The following ARHGAP42 variants were observed in gnomAD, a reference collection of about 807,000 sequenced individuals.
ARHGAP42 encodes Rho GTPase activating protein 42, also known as rho GTPase-activating protein 42.
A neutral mutation model predicts 125.0 loss-of-function variants in ARHGAP42; 63 were observed. That is an observed-to-expected ratio of 0.50 (90% CI 0.41 to 0.62). The LOEUF (loss-of-function observed/expected upper bound fraction) is 0.62, where lower values mean the gene tolerates loss of function less well. Among genes scored for constraint, ARHGAP42 ranks in the 20% least tolerant of loss-of-function variants. The pLI is 0.00. For synonymous variants in ARHGAP42, 339 were observed against 351.0 expected (o/e 0.97, Z 0.38); for missense variants, 766 against 1,024.2 (o/e 0.75, Z 3.44).
At chr11:100,781,357 A>G (rs1026319010) in intron 2 of ARHGAP42, among the ~76,000 whole-genome samples, 1 of 151,994 alleles carries the variant, frequency 6.6e-6, no homozygotes, top group Non-Finnish European at 1.5e-5. Context: ...CCCAAATCAC[A>G]ACTTTAGTAT....
At chr11:100,810,681 T>A (rs1213087051) in intron 3 of ARHGAP42, among the ~76,000 whole-genome samples, 1 of 152,190 alleles carries the variant, frequency 6.6e-6, no homozygotes, top group Non-Finnish European at 1.5e-5. Flanking sequence ...TCTATTCACT[T>A]TACATTTTAC....
intron 6 of ARHGAP42, among the ~76,000 whole-genome samples, chr11:100,922,356 T>C (rs1414535880): frequency 6.6e-6 from 1 of 152,206 alleles, no homozygotes; most frequent in African/African-American, 2.4e-5. Flanking sequence ...GGCTGGTCTT[T>C]ATAAGCTTAT....
intron 22 of ARHGAP42, among the ~76,000 whole-genome samples, chr11:100,985,704 C>T (rs1216774909): frequency 6.6e-6 from 1 of 152,158 alleles, no homozygotes; most frequent in African/African-American, 2.4e-5. Flanking sequence ...AAATCTGCCC[C>T]GCTAGCAAGC....
At chr11:100,847,615 G>C (rs1865101992) in intron 3 of ARHGAP42, among the ~76,000 whole-genome samples, 1 of 152,112 alleles carries the variant, frequency 6.6e-6, no homozygotes, top group Non-Finnish European at 1.5e-5. Context: ...GCTGAGAGCT[G>C]TGTAATTGCT....
At chr11:100,706,707 G>C (rs566377102) in intron 1 of ARHGAP42, among the ~76,000 whole-genome samples, 19 of 152,230 alleles carry the variant, frequency 1.2e-4, no homozygotes, top group Admixed American at 3.3e-4. Flanking sequence ...TAATTTTATG[G>C]GAATGCCTTC....
chr11:100,918,386 A>G (rs1038660361), intron 5 of ARHGAP42, among the ~76,000 whole-genome samples: 4 of 152,218 alleles, frequency 2.6e-5, no homozygotes, highest in Non-Finnish European at 4.4e-5. Flanking sequence ...ACAATAAGCT[A>G]TCTGCAGAAC....
rs540375975 is a variant in ARHGAP42 at position 100,688,857 on chromosome 11, C to T, written c.154+1025C>T. ...CCGTGGAATCTCTGGTCACTTAAAG[C>T]TGGGTGAGTGAGGTACTTTCAAAAG... On this transcript the variant is annotated intron_variant, in intron 1 of 23. Coordinates refer to ENST00000298815, the MANE Select transcript of ARHGAP42 (RefSeq NM_152432.4). Among the ~76,000 whole-genome samples, 178 of 152,212 alleles carry T rather than the reference C, an allele frequency of 1.2e-3. 1 individual carries two copies. The highest frequency in any genetic ancestry group is 3.9e-3 in the African/African-American group (161 of 41,516).
chr11:100,865,033 A>G (rs1865535770), intron 4 of ARHGAP42, among the ~76,000 whole-genome samples: 1 of 152,204 alleles, frequency 6.6e-6, no homozygotes, highest in Admixed American at 6.5e-5. Flanking sequence ...GTTAATAAAA[A>G]TCATATGAAC....
intron 5 of ARHGAP42, among the ~76,000 whole-genome samples, chr11:100,917,171 A>G (rs1034216830): frequency 2.6e-5 from 4 of 152,122 alleles, no homozygotes; most frequent in Non-Finnish European, 4.4e-5. Context: ...TATAATTAAG[A>G]AAAAAGTAAA....
chr11:100,799,338 A>C (rs1863796830), intron 3 of ARHGAP42, among the ~76,000 whole-genome samples: 1 of 152,176 alleles, frequency 6.6e-6, no homozygotes. Context: ...TACTACTAGA[A>C]ATGTGTATAC....
chr11:100,972,947 C>A (rs1413514390), intron 17 of ARHGAP42, among the ~76,000 whole-genome samples: 1 of 151,856 alleles, frequency 6.6e-6, no homozygotes, highest in Non-Finnish European at 1.5e-5. Context: ...GGGTTTTTTT[C>A]TTTAATAGAT....
chr11:100,860,724 A>G (rs1865426618), intron 4 of ARHGAP42, among the ~76,000 whole-genome samples: 1 of 152,032 alleles, frequency 6.6e-6, no homozygotes, highest in Non-Finnish European at 1.5e-5. Context: ...TCCAGAACCT[A>G]TTTGGTTTCC....
chr11:100,925,687 A>G (rs1867400210), intron 6 of ARHGAP42, among the ~76,000 whole-genome samples: 1 of 152,216 alleles, frequency 6.6e-6, no homozygotes, highest in Non-Finnish European at 1.5e-5. Flanking sequence ...GCAGTGATAC[A>G]AAATCATGGC....
chr11:100,699,719 C>A (rs1239963617), intron 1 of ARHGAP42, among the ~76,000 whole-genome samples: 1 of 151,502 alleles, frequency 6.6e-6, no homozygotes, highest in Non-Finnish European at 1.5e-5. Flanking sequence ...TATGGGGTTT[C>A]ACCATGTTGG....
chr11:100,783,263 C>A (rs1345570231), intron 2 of ARHGAP42, among the ~76,000 whole-genome samples: 1 of 151,666 alleles, frequency 6.6e-6, no homozygotes, highest in Non-Finnish European at 1.5e-5. Flanking sequence ...TGGGGAAACT[C>A]CATCTCTACT....
chr11:100,924,057 C>A (rs1442101211), intron 6 of ARHGAP42, among the ~76,000 whole-genome samples: 1 of 152,136 alleles, frequency 6.6e-6, no homozygotes, highest in Middle Eastern at 3.4e-3. Flanking sequence ...ATGTTTTTGC[C>A]GGTTTTATTC....
intron 3 of ARHGAP42, among the ~76,000 whole-genome samples, chr11:100,831,346 C>G (rs1864659132): frequency 6.6e-6 from 1 of 152,034 alleles, no homozygotes. Context: ...CTGAAGGGAA[C>G]AAAACTGTTC....
At position 100,993,130 on chromosome 11, in the gene ARHGAP42, A is replaced by G; in HGVS notation, c.*4329A>G. On this transcript the variant is annotated 3_prime_UTR_variant, in exon 24 of 24. Transcript: ENST00000298815. ...CTGAAGGTGTCAAAACCTCCTCAGTAGGATAACCCCTTTCTCCCCTTTGGA... is the reference window on the plus strand; with the variant it reads ...CTGAAGGTGTCAAAACCTCCTCAGTGGGATAACCCCTTTCTCCCCTTTGGA... 1 of 173,326 alleles carries G rather than the reference A, an allele frequency of 5.8e-6. No individual in the cohort carries two copies. The allele number at this position is 173,326 out of a possible 1,614,324, so 10.7% of individuals were successfully genotyped here.
intron 10 of ARHGAP42, among the ~76,000 whole-genome samples, chr11:100,945,105 A>G (rs1867981445): frequency 6.6e-6 from 1 of 152,102 alleles, no homozygotes; most frequent in African/African-American, 2.4e-5. Flanking sequence ...AAAAACGTTT[A>G]TAGCATCTTC....
Sources: gnomAD v4.1 joint callset for allele counts (sites outside exome capture counted in the v4.1 genomes callset) on GRCh38, gnomAD v4.1.1 for gene constraint, MANE v1.5 for transcripts, NCBI Gene and HGNC (gene_info 2026-07-23, HGNC 2026-07-21) for gene names.